Variants in ABR observed in about 807,000 individuals in gnomAD.
ABR encodes the protein active breakpoint cluster region-related protein.
Under a neutral mutation model 107.2 loss-of-function variants are expected in ABR, and 35 were observed. The ratio of observed to expected loss-of-function variants is 0.33; its 90% CI spans 0.25 to 0.43. The LOEUF (loss-of-function observed/expected upper bound fraction) is 0.43. Ranked by LOEUF, ABR falls within the 20% of genes least tolerant of loss-of-function variation. ABR has a pLI of 1.00. For missense variants in ABR, 815 were observed against 1,115.2 expected (o/e 0.73, Z 3.83); for synonymous variants, 498 against 462.0 (o/e 1.08, Z -1.00).
intron 2 of ABR, among the ~76,000 whole-genome samples, chr17:1,115,965 G>A (rs1048316839): frequency 4.7e-5 from 7 of 149,322 alleles, no homozygotes; most frequent in South Asian, 4.2e-4. Context: ...GGTGGCTCAC[G>A]CCTGTAATCC....
rs969184935 is a variant in ABR at position 1,179,134 on chromosome 17, C to T, written c.61+533G>A. 6.6e-6 allele frequency among the ~76,000 whole-genome samples: 1 copy of T among 151,932 alleles called. No individual in the cohort carries two copies. The highest frequency in any genetic ancestry group is 1.5e-5 in the Non-Finnish European group (1 of 67,960). On this transcript the variant is annotated intron_variant, in intron 1 of 22. Transcript: ENST00000302538. This position sits in a 1 kb window ranked among gnomAD's most constrained non-coding sequence, Gnocchi z 4.9. ...CGGCCCCCGCGGATATCTGCACCCCCCGTCTCCCCTCCCACCCGATCCCAC... is the reference window on the plus strand; with the variant it reads ...CGGCCCCCGCGGATATCTGCACCCCTCGTCTCCCCTCCCACCCGATCCCAC...
At chr17:1,062,089 T>G (rs181578059) in intron 10 of ABR, among the ~76,000 whole-genome samples, 1 of 152,200 alleles carries the variant, frequency 6.6e-6, no homozygotes, top group Non-Finnish European at 1.5e-5. Context: ...AGGCCTAAGC[T>G]GAACCTGAGA....
At chr17:1,021,345 G>A (rs957154592) in intron 16 of ABR, among the ~76,000 whole-genome samples, 1 of 152,166 alleles carries the variant, frequency 6.6e-6, no homozygotes. Context: ...CACCGCCCAG[G>A]AGCTGACCCC....
chr17:1,014,179 C>A (rs1053463220), intron 16 of ABR, among the ~76,000 whole-genome samples: 1 of 152,178 alleles, frequency 6.6e-6, no homozygotes, highest in African/African-American at 2.4e-5. Context: ...TGGCGGCTCA[C>A]GCCTGTAATC....
intron 1 of ABR, among the ~76,000 whole-genome samples, chr17:1,139,846 A>G (rs1024739393): frequency 6.6e-6 from 1 of 152,176 alleles, no homozygotes; most frequent in Non-Finnish European, 1.5e-5. Context: ...TTCATATGGA[A>G]GAAACAACCA....
At chr17:1,044,595 G>T (rs2031264069) in intron 16 of ABR, among the ~76,000 whole-genome samples, 1 of 151,430 alleles carries the variant, frequency 6.6e-6, no homozygotes, top group African/African-American at 2.4e-5. Flanking sequence ...AGGTTGCAGT[G>T]AGCCAAGATT....
chr17:1,109,126 A>G, intron 2 of ABR: 2 of 1,124,588 alleles, frequency 1.8e-6, no homozygotes, highest in Non-Finnish European at 1.2e-6. Flanking sequence ...CGGCGGCGGG[A>G]GGAGGGAGGA....
intron 21 of ABR, among the ~76,000 whole-genome samples, chr17:1,007,583 A>G (rs2070155383): frequency 6.6e-6 from 1 of 152,214 alleles, no homozygotes; most frequent in Non-Finnish European, 1.5e-5. Context: ...GAGCCCACAG[A>G]TGCCAACTCC....
chr17:1,084,755 A>G lies in ABR; in HGVS notation c.532-1128T>C, dbSNP rs1488954783. Among the ~76,000 whole-genome samples, 1 of 152,228 alleles carries G rather than the reference A, an allele frequency of 6.6e-6. No homozygotes were observed. The highest frequency in any genetic ancestry group is 1.5e-5 in the Non-Finnish European group (1 of 68,044). ...TACTCATCAGAAGGGTCAAAATTTA[A>G]AAGTCTAATTGACAGCAACGGCTGG... On this transcript the variant is annotated intron_variant, in intron 4 of 22. Transcript: ENST00000302538. This position sits in a 1 kb window ranked among gnomAD's most constrained non-coding sequence, Gnocchi z 4.2.
intron 5 of ABR, among the ~76,000 whole-genome samples, chr17:1,082,092 A>G (rs922027772): frequency 2.6e-5 from 4 of 151,950 alleles, no homozygotes; most frequent in African/African-American, 9.7e-5. Context: ...GCGTTTCCCC[A>G]ACTCTTCTAG....
At chr17:1,107,288 C>G (rs778002172) in intron 2 of ABR, among the ~76,000 whole-genome samples, 1 of 152,202 alleles carries the variant, frequency 6.6e-6, no homozygotes, top group Non-Finnish European at 1.5e-5. Flanking sequence ...TGAGATGGAG[C>G]GAGGCTGGGA....
intron 1 of ABR, among the ~76,000 whole-genome samples, chr17:1,203,594 T>C (rs572046106): frequency 1.1e-3 from 163 of 150,844 alleles, no homozygotes; most frequent in Admixed American, 2.4e-3. Flanking sequence ...GTTAATCCAG[T>C]CGGGAACCCC....
chr17:1,004,973 C>A lies in ABR; in HGVS notation c.*1107G>T. The A allele has an allele frequency of 5.0e-6, 2 of 399,074 alleles. No individual in the cohort carries two copies. Among genetic ancestry groups the A allele is most frequent in the South Asian group, 1.3e-4 (1 of 7,848 alleles). 24.7% of individuals were successfully genotyped at this position (399,074 alleles called of 1,614,324 possible). On this transcript the variant is annotated 3_prime_UTR_variant, in exon 23 of 23. Transcript: ENST00000302538. The stretch of plus-strand genomic sequence containing the variant: ...GGAGCTCCTGGCTGCAGCCTACCTG[C>A]CTGGACACCTGCTTCGGCCACATCA...
intron 1 of ABR, among the ~76,000 whole-genome samples, chr17:1,163,243 A>G (rs916528834): frequency 1.3e-5 from 2 of 152,356 alleles, no homozygotes; most frequent in African/African-American, 4.8e-5. Context: ...CGCTAGGCTA[A>G]CGTTAGCTAT....
At chr17:1,193,851 C>T (rs1304218401) in intron 1 of ABR, among the ~76,000 whole-genome samples, 1 of 152,096 alleles carries the variant, frequency 6.6e-6, no homozygotes, top group Non-Finnish European at 1.5e-5. Context: ...CCACCACGCC[C>T]AGCTAATTTT....
intron 1 of ABR, among the ~76,000 whole-genome samples, chr17:1,164,588 G>T (rs2041431078): frequency 1.3e-5 from 2 of 152,180 alleles, no homozygotes; most frequent in East Asian, 3.9e-4. Flanking sequence ...TAAAATGCAA[G>T]ACGCCCAGTG....
chr17:1,035,975 G>A (rs776202013), intron 16 of ABR, among the ~76,000 whole-genome samples: 1 of 151,968 alleles, frequency 6.6e-6, no homozygotes, highest in Non-Finnish European at 1.5e-5. Context: ...AGCGGGAGGG[G>A]CAAAGGCTGC....
upstream of ABR, among the ~76,000 whole-genome samples, chr17:1,187,867 C>A (rs1388468808): frequency 2.6e-5 from 4 of 151,836 alleles, no homozygotes; most frequent in African/African-American, 9.7e-5. Context: ...GCACTCCAAT[C>A]TGGGTGCGAC....
At chr17:1,076,869 T>A (rs2035780303) in intron 6 of ABR, among the ~76,000 whole-genome samples, 2 of 152,262 alleles carry the variant, frequency 1.3e-5, no homozygotes, top group African/African-American at 4.8e-5. Context: ...GCTCTGGCCC[T>A]TCCCCTGTCC....
Sources: allele counts gnomAD v4.1 joint callset (sites outside exome capture counted in the v4.1 genomes callset), GRCh38; gene constraint gnomAD v4.1.1; non-coding constraint Gnocchi (gnomAD v3.1); transcripts MANE v1.5; gene names NCBI Gene and HGNC (gene_info 2026-07-23, HGNC 2026-07-21).